The following RYR2 variants were observed in gnomAD, a reference collection of about 807,000 sequenced individuals.
RYR2 encodes cardiac muscle ryanodine receptor-calcium release channel.
RYR2 carries 227 observed loss-of-function variants against 601.1 expected under a neutral mutation model. The ratio of observed to expected loss-of-function variants is 0.38; its 90% CI spans 0.34 to 0.42. RYR2 has a LOEUF of 0.42. RYR2 is among the 10% of genes least tolerant of loss of function. RYR2 has a pLI of 1.00. For missense variants in RYR2, 4,646 were observed against 6,156.5 expected, an observed-to-expected ratio of 0.75 and a Z score of 8.21; for synonymous variants, 2,223 against 2,175.1, an observed-to-expected ratio of 1.02 and a Z score of -0.61.
rs1396126996 is a variant in RYR2 at position 237,608,807 on chromosome 1, T to G, written c.4684-1955T>G. 3.1e-4 allele frequency among the ~76,000 whole-genome samples: 47 copies of G among 151,064 alleles called. No individual in the cohort carries two copies. In the East Asian group the frequency reaches 7.6e-3, roughly 24 times the overall value. On this transcript the variant is annotated intron_variant, in intron 35 of 104. Transcript: ENST00000366574. ...GTTCAGACTGACCTGTTTTTTTTTT[T>G]TTTTTTTTTTTTTACAAAATTGGAC...
chr1:237,166,022 C>CA (rs533759635), intron 1 of RYR2, among the ~76,000 whole-genome samples: 1 of 151,970 alleles, frequency 6.6e-6, no homozygotes, highest in Non-Finnish European at 1.5e-5. Flanking sequence ...ATCCAATAAA[C>CA]AAAAAAACCC....
Position 237,497,431 on chromosome 1 carries a change from G to A in RYR2, c.2203+679G>A, listed in dbSNP as rs534246390. Among the ~76,000 whole-genome samples the A allele has an allele frequency of 2.0e-5, 3 of 152,246 alleles. No homozygotes were observed. The South Asian group carries it at 6.2e-4, about 32-fold the overall frequency. On this transcript the variant is annotated intron_variant, in intron 20 of 104. Transcript: ENST00000366574. ...CTGATTCATGAAGAAGTAGAGTTTGGTTAGCTCCATTTAAAAGCTTAGCTC... is the reference window on the plus strand; with the variant it reads ...CTGATTCATGAAGAAGTAGAGTTTGATTAGCTCCATTTAAAAGCTTAGCTC...
intron 1 of RYR2, among the ~76,000 whole-genome samples, chr1:237,065,802 T>C (rs1663532744): frequency 6.6e-6 from 1 of 152,202 alleles, no homozygotes; most frequent in Non-Finnish European, 1.5e-5. Context: ...ACAGGAAACA[T>C]GACAGTTTCT....
At chr1:237,525,089 T>A (rs1667440719) in intron 24 of RYR2, among the ~76,000 whole-genome samples, 1 of 152,134 alleles carries the variant, frequency 6.6e-6, no homozygotes, top group African/African-American at 2.4e-5. Context: ...ACATTGTACT[T>A]GACAGGTAAT....
intron 51 of RYR2, 133 bp downstream of exon 51, chr1:237,651,634 A>G: frequency 3.2e-6 from 2 of 619,838 alleles, no homozygotes; most frequent in South Asian, 4.0e-5. Flanking sequence ...AAATGGGCAT[A>G]GAAGTTATAG....
intron 36 of RYR2, among the ~76,000 whole-genome samples, chr1:237,612,478 A>C (rs1677990734): frequency 6.6e-6 from 1 of 152,182 alleles, no homozygotes; most frequent in Non-Finnish European, 1.5e-5. Flanking sequence ...TCAAAGAAAA[A>C]TTAATCTGGC....
Position 237,704,377 on chromosome 1 carries a change from CTA to C in RYR2, c.9450-834_9450-833del, listed in dbSNP as rs1378576803. ...CATTTGTAAAGTAATCATTTATTAA[CTA>C]TTTATTTTATTCCCTGATTTAAAAT... On this transcript the variant is annotated intron_variant, in intron 66 of 104. Transcript: ENST00000366574. 8.5e-5 allele frequency among the ~76,000 whole-genome samples: 13 copies of C among 152,084 alleles called. No individual in the cohort carries two copies. In the East Asian group the frequency reaches 2.5e-3, roughly 29 times the overall value.
chr1:237,315,930 T>C (rs752055737), intron 2 of RYR2, among the ~76,000 whole-genome samples: 1 of 152,168 alleles, frequency 6.6e-6, no homozygotes, highest in South Asian at 2.1e-4. Context: ...CAGTGGGATT[T>C]TTTTTCTTCT....
intron 1 of RYR2, among the ~76,000 whole-genome samples, chr1:237,096,148 G>A (rs1361813129): frequency 2.0e-5 from 3 of 152,096 alleles, no homozygotes; most frequent in African/African-American, 4.8e-5. Flanking sequence ...AATAAAAACC[G>A]GATTGGACAG....
chr1:237,173,783 G>A lies in RYR2; in HGVS notation c.49-96714G>A, dbSNP rs189034207. Among the ~76,000 whole-genome samples the A allele has an allele frequency of 4.6e-3, 696 of 152,276 alleles. 4 individuals are homozygous for A. The highest frequency in any genetic ancestry group is 0.015 in the African/African-American group (614 of 41,538). ...AAAAGATTAAGAGTGTTGGCCGGGC[G>A]CGGTGGCTCACGCCTGTAATCCCAG... On this transcript the variant is annotated intron_variant, in intron 1 of 104. Coordinates refer to ENST00000366574, the MANE Select transcript of RYR2 (RefSeq NM_001035.3).
intron 12 of RYR2, among the ~76,000 whole-genome samples, chr1:237,432,108 T>A (rs936047519): frequency 1.3e-5 from 2 of 149,078 alleles, no homozygotes; most frequent in Non-Finnish European, 3.0e-5. Context: ...TCTTTTTTTT[T>A]TATTCATTTC....
In RYR2 at chr1:237,819,009, A is replaced by G. The variant is rs1227447169; in HGVS notation, c.14434-27A>G. ...AAAAAAAATGGGTAATGTCCCTCCA[A>G]GAAGTGATACCATGTCTTTTTTCCA... On this transcript the variant is annotated intron_variant, in intron 100 of 104. Transcript: ENST00000366574. This position sits in a 1 kb window ranked among gnomAD's most constrained non-coding sequence, Gnocchi z 4.0. 4.4e-6 allele frequency: 7 copies of G among 1,595,190 alleles called. No individual in the cohort carries two copies. In the Admixed American group the frequency reaches 8.4e-5, roughly 19 times the overall value.
Position 237,506,720 on chromosome 1 carries a change from C to T in RYR2, c.2624C>T (p.Pro875Leu). The change falls in exon 23 of 105, where the codon CCT (proline) becomes CTT (leucine). Residue 875 changes from proline to leucine, a missense_variant. Coordinates refer to ENST00000366574, the MANE Select transcript of RYR2 (RefSeq NM_001035.3). ...TTTTGTAAATTTTAGATCGTGTTGC[C>T]TCCTCATCTAGAAAGAATAAGAGAA... The part of the protein sequence containing the change: ...IPVDTSQIVL[P>L]PHLERIREKL... 1 of 1,611,580 alleles carries T rather than the reference C, an allele frequency of 6.2e-7. No individual in the cohort carries two copies. Among genetic ancestry groups the T allele is most frequent in the Non-Finnish European group, 8.5e-7 (1 of 1,178,978 alleles).
intron 1 of RYR2, among the ~76,000 whole-genome samples, chr1:237,133,168 G>A (rs1407112726): frequency 6.6e-6 from 1 of 152,150 alleles, no homozygotes; most frequent in East Asian, 1.9e-4. Context: ...CAGGACTTCC[G>A]AGAATGTAAG....
At chr1:237,145,649 C>T (rs1244792747) in intron 1 of RYR2, among the ~76,000 whole-genome samples, 1 of 152,190 alleles carries the variant, frequency 6.6e-6, no homozygotes, top group Admixed American at 6.5e-5. Context: ...AGTCTTGGTA[C>T]ATGTTGGATA....
intron 1 of RYR2, among the ~76,000 whole-genome samples, chr1:237,241,324 C>T (rs1159528848): frequency 3.3e-5 from 5 of 152,154 alleles, no homozygotes; most frequent in South Asian, 2.1e-4. Flanking sequence ...TGTAATATAT[C>T]TCTAGAGCTA....
At chr1:237,369,418 A>G (rs550832799) in intron 5 of RYR2, 116 bp from the exon 6 acceptor site, 1 of 863,638 alleles carries the variant, frequency 1.2e-6, no homozygotes, top group African/African-American at 1.7e-5. Flanking sequence ...AAGAGCTCTT[A>G]ATACATTCTT....
chr1:237,121,837 A>T (rs986203981), intron 1 of RYR2, among the ~76,000 whole-genome samples: 1 of 152,158 alleles, frequency 6.6e-6, no homozygotes, highest in Non-Finnish European at 1.5e-5. Context: ...TAGATATGGG[A>T]TATAAAAATT....
chr1:237,279,365 ACT>A (rs1244270230), intron 2 of RYR2, among the ~76,000 whole-genome samples: 1 of 152,170 alleles, frequency 6.6e-6, no homozygotes, highest in African/African-American at 2.4e-5. Flanking sequence ...ATGATCTAAA[ACT>A]CATGACAATA....
Sources: allele counts gnomAD v4.1 joint callset (sites outside exome capture counted in the v4.1 genomes callset), GRCh38; gene constraint gnomAD v4.1.1; non-coding constraint Gnocchi (gnomAD v3.1); transcripts MANE v1.5; gene names NCBI Gene and HGNC (gene_info 2026-07-23, HGNC 2026-07-21).